PVR: variants seen among roughly 807,000 people sequenced by gnomAD.
The protein encoded by PVR is PVR cell adhesion molecule, also known as poliovirus receptor.
Under a neutral mutation model 43.3 loss-of-function variants are expected in PVR, and 39 were observed. That is an observed-to-expected ratio of 0.90 (90% CI 0.70 to 1.18). PVR has a LOEUF of 1.18. Ranked by LOEUF, PVR falls within the 50% of genes most tolerant of loss-of-function variation. The probability of loss-of-function intolerance (pLI) is 0.00; values close to 1 mark genes in which losing one functional copy is unlikely to be tolerated. For missense variants in PVR, 480 were observed against 549.7 expected, an observed-to-expected ratio of 0.87 and a Z score of 1.27; for synonymous variants, 224 against 233.2, an observed-to-expected ratio of 0.96 and a Z score of 0.36.
At position 44,661,470 on chromosome 19, in the gene PVR, G is replaced by A. The variant is rs1018044526; in HGVS notation, c.1182+147G>A. The A allele has an allele frequency of 6.0e-5, 54 of 893,182 alleles. 1 individual carries two copies. The highest frequency in any genetic ancestry group is 3.4e-4 in the East Asian group (13 of 38,522). 55.3% of individuals were successfully genotyped at this position (893,182 alleles called of 1,614,324 possible). On this transcript the variant is annotated intron_variant, in intron 7 of 7. Coordinates refer to ENST00000425690, the MANE Select transcript of PVR (RefSeq NM_006505.5). ...CATTTCCCAACCCTTCCTGCTGGGC[G>A]GAATCCCCTGTAGAGTTTGCTAAGA...
At position 44,644,001 on chromosome 19, in the gene PVR, T is replaced by C; in HGVS notation, c.-96T>C. Reference sequence around the variant, plus strand: ...CCCCCGGGGATTCCAGGACCTGAGCTCCGGGAGCTGGACTCGCAGCGACCG... The same window carrying C: ...CCCCCGGGGATTCCAGGACCTGAGCCCCGGGAGCTGGACTCGCAGCGACCG... On this transcript the variant is annotated 5_prime_UTR_variant, in exon 1 of 8. Coordinates refer to ENST00000425690, the MANE Select transcript of PVR (RefSeq NM_006505.5). 1 of 1,031,844 alleles carries C rather than the reference T, an allele frequency of 9.7e-7. No individual in the cohort carries two copies. Among genetic ancestry groups the C allele is most frequent in the South Asian group, 1.7e-5 (1 of 60,024 alleles). 63.9% of individuals were successfully genotyped at this position (1,031,844 alleles called of 1,614,324 possible).
intron 4 of PVR, among the ~76,000 whole-genome samples, chr19:44,656,280 ATG>A (rs1000785654): frequency 1.3e-5 from 2 of 152,182 alleles, no homozygotes; most frequent in Non-Finnish European, 2.9e-5. Flanking sequence ...TGCAAATGCC[ATG>A]GTGGTGTCCA....
At position 44,644,818 on chromosome 19, in the gene PVR, C is replaced by A. The variant is rs555892628; in HGVS notation, c.79+643C>A. On this transcript the variant is annotated intron_variant, in intron 1 of 7. Coordinates refer to ENST00000425690, the MANE Select transcript of PVR (RefSeq NM_006505.5). ...GCAGCCTCCTCCTCCCGAGTTCAAG[C>A]GATTCTCCTGCTTCAGCCTCCCGAG... 3.8e-4 allele frequency among the ~76,000 whole-genome samples: 57 copies of A among 148,940 alleles called. 1 individual carries two copies. In the East Asian group the frequency reaches 6.9e-3, roughly 18 times the overall value.
At chr19:44,660,769 C>T (rs137962107) in intron 6 of PVR, among the ~76,000 whole-genome samples, 206 of 152,238 alleles carry the variant, frequency 1.4e-3, no homozygotes, top group African/African-American at 4.7e-3. Flanking sequence ...AGCAATCCGC[C>T]CACCTCAGCC....
intron 3 of PVR, among the ~76,000 whole-genome samples, chr19:44,652,650 G>T (rs1165969195): frequency 6.6e-6 from 1 of 151,894 alleles, no homozygotes; most frequent in African/African-American, 2.4e-5. Flanking sequence ...CCAAATTGCT[G>T]GGATTACAGA....
intron 6 of PVR, among the ~76,000 whole-genome samples, chr19:44,660,458 G>A (rs1485221300): frequency 6.6e-6 from 1 of 152,154 alleles, no homozygotes; most frequent in Non-Finnish European, 1.5e-5. Context: ...GATTGTTATT[G>A]CTATTATTAC....
intron 5 of PVR, among the ~76,000 whole-genome samples, chr19:44,658,538 C>A (rs193245079): frequency 6.6e-6 from 1 of 152,188 alleles, no homozygotes; most frequent in Non-Finnish European, 1.5e-5. Flanking sequence ...TCATAGCAGC[C>A]AGGGAGAATG....
chr19:44,647,972 T>G (rs547633517), intron 2 of PVR, among the ~76,000 whole-genome samples: 1 of 152,256 alleles, frequency 6.6e-6, no homozygotes, highest in East Asian at 1.9e-4. Context: ...AAAGCTGTCC[T>G]GAGTGTCATC....
chr19:44,649,713 G>T lies in PVR; in HGVS notation c.428-96G>T, dbSNP rs900899015. On this transcript the variant is annotated intron_variant, in intron 2 of 7. Transcript: ENST00000425690. ...TGGGATTATAGGCGTGAGCCACCCC[G>T]CCCAGCAACCATGCCATCCTGTACC... 1.1e-5 allele frequency: 15 copies of T among 1,361,264 alleles called. No homozygotes were observed. In the African/African-American group the frequency reaches 1.6e-4, roughly 14 times the overall value. 84.3% of individuals were successfully genotyped at this position (1,361,264 alleles called of 1,614,324 possible).
intron 1 of PVR, among the ~76,000 whole-genome samples, chr19:44,644,442 G>A (rs1038875532): frequency 3.3e-5 from 5 of 152,172 alleles, no homozygotes; most frequent in Non-Finnish European, 7.4e-5. Flanking sequence ...CCTCCTCTGG[G>A]CCCCTCGGAA....
chr19:44,661,167 T>C, intron 6 of PVR, 125 bp from the exon 7 acceptor site: 1 of 848,128 alleles, frequency 1.2e-6, no homozygotes, highest in Non-Finnish European at 2.0e-6. Context: ...TTAAGGGAAA[T>C]GGCACCCCCA....
intron 3 of PVR, among the ~76,000 whole-genome samples, chr19:44,651,889 C>T (rs1973290134): frequency 6.6e-6 from 1 of 152,206 alleles, no homozygotes; most frequent in African/African-American, 2.4e-5. Flanking sequence ...GGCACGGTGG[C>T]TCACGCCTGT....
At chr19:44,658,006 A>G in intron 5 of PVR, 96 bp downstream of exon 5, 1 of 1,351,218 alleles carries the variant, frequency 7.4e-7, no homozygotes, top group Non-Finnish European at 1.0e-6. Context: ...CCTTCTCCTA[A>G]GCCTTCTCAC....
At chr19:44,646,455 A>G (rs944285522) in intron 1 of PVR, among the ~76,000 whole-genome samples, 5 of 152,134 alleles carry the variant, frequency 3.3e-5, no homozygotes, top group African/African-American at 1.2e-4. Flanking sequence ...TGTGAAACCT[A>G]CGACACTGGT....
In PVR at chr19:44,665,546, A is replaced by G. The variant is rs1233012071; in HGVS notation, c.*3735A>G. 6.6e-6 allele frequency: 1 copy of G among 150,508 alleles called. No individual in the cohort carries two copies. The highest frequency in any genetic ancestry group is 1.5e-5 in the Non-Finnish European group (1 of 68,008). 9.3% of individuals were successfully genotyped at this position (150,508 alleles called of 1,614,324 possible). A position where few individuals can be genotyped will look rare whatever the true frequency, so the allele number is the denominator to read the frequency against. ...CTACTCAGAAGGCTGAGGTGGGAGAATCCCTTGAACCCGGGAAGTGGAGGC... is the reference window on the plus strand; with the variant it reads ...CTACTCAGAAGGCTGAGGTGGGAGAGTCCCTTGAACCCGGGAAGTGGAGGC... On this transcript the variant is annotated 3_prime_UTR_variant, in exon 8 of 8. Transcript: ENST00000425690.
In PVR at chr19:44,647,470, G is replaced by A. The variant is rs1463208415; in HGVS notation, c.327G>A (p.Arg109=). Residue 109 remains arginine (R), a synonymous_variant, in exon 2 of 8, where the codon AGG becomes AGA. Transcript: ENST00000425690. ...LGAELRNASL[R]MFGLRVEDEG... Reference sequence around the variant, plus strand: ...CGGAGCTGCGGAATGCCTCGCTGAGGATGTTCGGGTTGCGCGTAGAGGATG... The same window carrying A: ...CGGAGCTGCGGAATGCCTCGCTGAGAATGTTCGGGTTGCGCGTAGAGGATG... The A allele has an allele frequency of 2.5e-6, 4 of 1,614,034 alleles. No homozygotes were observed. Among genetic ancestry groups the A allele is most frequent in the Non-Finnish European group, 2.5e-6 (3 of 1,180,024 alleles).
intron 1 of PVR, among the ~76,000 whole-genome samples, chr19:44,644,609 G>A (rs1193691319): frequency 6.6e-6 from 1 of 152,120 alleles, no homozygotes; most frequent in Non-Finnish European, 1.5e-5. Flanking sequence ...TCTGGACGGA[G>A]GGGATGGTTG....
chr19:44,644,983 C>T (rs1973038037), intron 1 of PVR, among the ~76,000 whole-genome samples: 2 of 120,624 alleles, frequency 1.7e-5, no homozygotes, highest in South Asian at 4.8e-4. Context: ...TTATATATTA[C>T]ATATTATAGT....
chr19:44,647,233 C>T lies in PVR; in HGVS notation c.90C>T (p.Val30=), dbSNP rs745606074. 4.5e-6 allele frequency: 7 copies of T among 1,542,984 alleles called. No homozygotes were observed. The highest frequency in any genetic ancestry group is 2.0e-5 in the Admixed American group (1 of 50,614). Residue 30 remains valine (V), a synonymous_variant, in exon 2 of 8, where the codon GTC becomes GTT. Coordinates refer to ENST00000425690, the MANE Select transcript of PVR (RefSeq NM_006505.5). ...SWPPPGTGDV[V]VQAPTQVPGF... ...TTCGGTTCTCCGCAGGGGACGTCGT[C>T]GTGCAGGCGCCCACCCAGGTGCCCG... is the stretch of plus-strand genomic sequence containing the variant.
Sources: gnomAD v4.1 joint callset for allele counts (sites outside exome capture counted in the v4.1 genomes callset) on GRCh38, gnomAD v4.1.1 for gene constraint, MANE v1.5 for transcripts, NCBI Gene and HGNC (gene_info 2026-07-23, HGNC 2026-07-21) for gene names.